The following KCNQ1OT1 variants were observed in gnomAD, a reference collection of about 807,000 sequenced individuals.
KCNQ1OT1 encodes KCNQ1 opposite strand/antisense transcript 1.
chr11:2,625,856 A>C (rs1849253578), exon 1 of KCNQ1OT1: 1 of 398,664 alleles, frequency 2.5e-6, no homozygotes, highest in Non-Finnish European at 4.4e-6. Flanking sequence ...GGCGTGAGCC[A>C]CCGTGCCTGG....
At chr11:2,630,393 C>G in exon 1 of KCNQ1OT1, 1 of 398,058 alleles carries the variant, frequency 2.5e-6, no homozygotes, top group Admixed American at 4.4e-5. Context: ...TTGTCCTTGT[C>G]TGGCCTTAGT....
In KCNQ1OT1 at chr11:2,691,754, A is replaced by G. The variant is rs995940696; in HGVS notation, n.8241T>C. The G allele has an allele frequency of 3.5e-5, 14 of 398,562 alleles. No individual in the cohort carries two copies. Among genetic ancestry groups the G allele is most frequent in the Non-Finnish European group, 6.2e-5 (14 of 226,176 alleles). The allele number at this position is 398,562 out of a possible 1,614,324, so 24.7% of individuals were successfully genotyped here. ...CCACACAGGCAGGGGACATTCCACT[A>G]GGGCCATTTGCAGGCCAGTGGCCAT... On this transcript the variant is annotated non_coding_transcript_exon_variant, in exon 1 of 1. Transcript: ENST00000597346. The surrounding 1 kb of genome is among the most constrained non-coding windows in gnomAD (Gnocchi z 6.4).
chr11:2,641,485 A>G (rs549712780), exon 1 of KCNQ1OT1: 1 of 397,998 alleles, frequency 2.5e-6, no homozygotes, highest in East Asian at 3.6e-5. Context: ...ATTGGAATTA[A>G]TTTGTTGTTT....
chr11:2,641,328 CT>C (rs1204131541), exon 1 of KCNQ1OT1: 3 of 398,088 alleles, frequency 7.5e-6, no homozygotes, highest in African/African-American at 2.1e-5. Flanking sequence ...TAATTTTTGT[CT>C]TTTTAAAATA....
exon 1 of KCNQ1OT1, chr11:2,640,867 A>T: frequency 2.5e-6 from 1 of 399,302 alleles, no homozygotes. Flanking sequence ...CTATCCTTCT[A>T]CTCTCTACCT....
chr11:2,697,409 G>C (rs1850695919), exon 1 of KCNQ1OT1: 3 of 398,446 alleles, frequency 7.5e-6, no homozygotes, highest in Non-Finnish European at 1.3e-5. Flanking sequence ...GGTATGGCCA[G>C]GATGACATCC....
chr11:2,693,044 G>C (rs1354108483), exon 1 of KCNQ1OT1: 1 of 398,526 alleles, frequency 2.5e-6, no homozygotes, highest in East Asian at 3.6e-5. Context: ...TCTGGAGCAG[G>C]GGGAGAGAAA....
rs1301346842 is a variant in KCNQ1OT1, at chr11:2,621,563, C to A, written n.78432G>T. Reference sequence around the variant, plus strand: ...GCTCTTTAGTTTACCACTGTGATCTCTTTGCTATTGGTCTGTTCAGGCTTT... The same window carrying A: ...GCTCTTTAGTTTACCACTGTGATCTATTTGCTATTGGTCTGTTCAGGCTTT... On this transcript the variant is annotated non_coding_transcript_exon_variant, in exon 1 of 1. Transcript: ENST00000597346. This position sits in a 1 kb window ranked among gnomAD's most constrained non-coding sequence, Gnocchi z 5.7. 1 of 398,266 alleles carries A rather than the reference C, an allele frequency of 2.5e-6. No homozygotes were observed. Among genetic ancestry groups the A allele is most frequent in the Non-Finnish European group, 4.4e-6 (1 of 226,006 alleles). 24.7% of individuals were successfully genotyped at this position (398,266 alleles called of 1,614,324 possible).
At position 2,653,994 on chromosome 11, in the gene KCNQ1OT1, G is replaced by A. The variant is rs1849797402; in HGVS notation, n.46001C>T. 1 of 398,668 alleles carries A rather than the reference G, an allele frequency of 2.5e-6. No individual in the cohort carries two copies. The highest frequency in any genetic ancestry group is 4.4e-6 in the Non-Finnish European group (1 of 226,080). 24.7% of individuals were successfully genotyped at this position (398,668 alleles called of 1,614,324 possible). Reference sequence around the variant, plus strand: ...AAGGTATTTTCCTAAGCGGAACTGGGTGCCAGCTGTGAATATACATTTTCA... The same window carrying A: ...AAGGTATTTTCCTAAGCGGAACTGGATGCCAGCTGTGAATATACATTTTCA... On this transcript the variant is annotated non_coding_transcript_exon_variant, in exon 1 of 1. Transcript: ENST00000597346. The surrounding 1 kb of genome is among the most constrained non-coding windows in gnomAD (Gnocchi z 5.3).
Position 2,671,936 on chromosome 11 carries a change from C to G in KCNQ1OT1, n.28059G>C, listed in dbSNP as rs1850190490. 1 of 398,654 alleles carries G rather than the reference C, an allele frequency of 2.5e-6. No individual in the cohort carries two copies. The allele number at this position is 398,654 out of a possible 1,614,324, so 24.7% of individuals were successfully genotyped here. On this transcript the variant is annotated non_coding_transcript_exon_variant, in exon 1 of 1. Transcript: ENST00000597346. This position sits in a 1 kb window ranked among gnomAD's most constrained non-coding sequence, Gnocchi z 4.7. Reference sequence around the variant, plus strand: ...CGCTATGCTTCCTCAGGCAGCTAGTCTCTGTATCTGGGGTAGAAAGAGTGG... The same window carrying G: ...CGCTATGCTTCCTCAGGCAGCTAGTGTCTGTATCTGGGGTAGAAAGAGTGG...
chr11:2,627,798 A>G lies in KCNQ1OT1; in HGVS notation n.72197T>C, dbSNP rs1035829643. On this transcript the variant is annotated non_coding_transcript_exon_variant, in exon 1 of 1. Coordinates refer to ENST00000597346, the Ensembl canonical transcript of KCNQ1OT1. The surrounding 1 kb of genome is among the most constrained non-coding windows in gnomAD (Gnocchi z 4.9). ...CAGGGTCTCCATCTGTCATCCAGGC[A>G]GGAGTACAGTGGCACAATCACAGTT... 1 of 398,338 alleles carries G rather than the reference A, an allele frequency of 2.5e-6. No homozygotes were observed. Among genetic ancestry groups the G allele is most frequent in the Admixed American group, 4.4e-5 (1 of 22,716 alleles). The allele number at this position is 398,338 out of a possible 1,614,324, so 24.7% of individuals were successfully genotyped here. A position where few individuals can be genotyped will look rare whatever the true frequency, so the allele number is the denominator to read the frequency against.
In KCNQ1OT1 at chr11:2,682,041, T is replaced by A; in HGVS notation, n.17954A>T. 1 of 398,616 alleles carries A rather than the reference T, an allele frequency of 2.5e-6. No individual in the cohort carries two copies. Among genetic ancestry groups the A allele is most frequent in the Non-Finnish European group, 4.4e-6 (1 of 226,050 alleles). The allele number at this position is 398,616 out of a possible 1,614,324, so 24.7% of individuals were successfully genotyped here. The stretch of plus-strand genomic sequence containing the variant: ...AACACAAGAATATTATCACTCCTGT[T>A]TTATAGATAATCTCCTAAGGGTTGA... On this transcript the variant is annotated non_coding_transcript_exon_variant, in exon 1 of 1. Transcript: ENST00000597346. The surrounding 1 kb of genome is among the most constrained non-coding windows in gnomAD (Gnocchi z 5.8).
exon 1 of KCNQ1OT1, chr11:2,640,822 C>A (rs1003972869): frequency 2.5e-6 from 1 of 399,006 alleles, no homozygotes; most frequent in Non-Finnish European, 4.4e-6. Flanking sequence ...AACCTCTCTT[C>A]ACCCTCCAGA....
At chr11:2,680,541 T>C (rs543207438) in exon 1 of KCNQ1OT1, 2 of 398,522 alleles carry the variant, frequency 5.0e-6, no homozygotes, top group East Asian at 3.6e-5. Context: ...TCTCATGCAG[T>C]TCTAAGAAAC....
At chr11:2,693,588 G>T in exon 1 of KCNQ1OT1, 1 of 398,652 alleles carries the variant, frequency 2.5e-6, no homozygotes, top group Non-Finnish European at 4.4e-6. Context: ...TTCCATAAAT[G>T]AGGCCACATT....
exon 1 of KCNQ1OT1, chr11:2,637,142 T>G (rs1363460188): frequency 1.3e-5 from 2 of 152,204 alleles, no homozygotes; most frequent in African/African-American, 4.8e-5. Flanking sequence ...CCTCCTGGAT[T>G]CATTGATTTT....
exon 1 of KCNQ1OT1, chr11:2,696,186 G>A (rs1450735840): frequency 7.5e-6 from 3 of 398,422 alleles, no homozygotes; most frequent in Non-Finnish European, 1.3e-5. Context: ...GAACCCCACG[G>A]CCACCCTGGC....
rs146953612 is a variant in KCNQ1OT1 at position 2,648,864 on chromosome 11, G to T, written n.51131C>A. On this transcript the variant is annotated non_coding_transcript_exon_variant, in exon 1 of 1. Coordinates refer to ENST00000597346, the Ensembl canonical transcript of KCNQ1OT1. ...TATCTCTTTAGCACTAATAATATTT[G>T]TTTAATATACCTGGGTACTCCAGTG... The T allele has an allele frequency of 2.9e-3, 1,150 of 397,446 alleles. 4 individuals are homozygous for T. Among genetic ancestry groups the T allele is most frequent in the Non-Finnish European group, 4.7e-3 (1,054 of 225,820 alleles). 24.6% of individuals were successfully genotyped at this position (397,446 alleles called of 1,614,324 possible).
Position 2,671,068 on chromosome 11 carries a change from T to C in KCNQ1OT1, n.28927A>G. On this transcript the variant is annotated non_coding_transcript_exon_variant, in exon 1 of 1. Transcript: ENST00000597346. This position sits in a 1 kb window ranked among gnomAD's most constrained non-coding sequence, Gnocchi z 4.7. ...TATCTGAGGCACACATCCTTGGTAG[T>C]GACTGGCTAGCAGGAGGAAGTCTGG... 1 of 398,614 alleles carries C rather than the reference T, an allele frequency of 2.5e-6. No homozygotes were observed. Among genetic ancestry groups the C allele is most frequent in the Non-Finnish European group, 4.4e-6 (1 of 226,096 alleles). The allele number at this position is 398,614 out of a possible 1,614,324, so 24.7% of individuals were successfully genotyped here.
Sources: allele counts gnomAD v4.1 joint callset, GRCh38; gene constraint gnomAD v4.1.1; non-coding constraint Gnocchi (gnomAD v3.1); transcripts MANE v1.5; gene names NCBI Gene and HGNC (gene_info 2026-07-23, HGNC 2026-07-21).